The following PRKD1 variants were observed in gnomAD, a reference collection of about 807,000 sequenced individuals.
PRKD1 encodes serine/threonine-protein kinase D1.
PRKD1 carries 63 observed loss-of-function variants against 95.9 expected under a neutral mutation model. That is an observed-to-expected ratio of 0.66 (90% CI 0.54 to 0.81). The LOEUF (loss-of-function observed/expected upper bound fraction) is 0.81. PRKD1 is among the 30% of genes least tolerant of loss of function. The probability of loss-of-function intolerance (pLI) is 0.00; values close to 1 mark genes in which losing one functional copy is unlikely to be tolerated. For missense variants in PRKD1, 1,048 were observed against 1,165.3 expected (o/e 0.90, Z 1.47); for synonymous variants, 425 against 423.1 (o/e 1.00, Z -0.05).
chr14:29,746,907 T>C (rs554711903), intron 1 of PRKD1, among the ~76,000 whole-genome samples: 1 of 152,356 alleles, frequency 6.6e-6, no homozygotes, highest in South Asian at 2.1e-4. Context: ...TAATATATTT[T>C]ATTAATTTGT....
intron 1 of PRKD1, among the ~76,000 whole-genome samples, chr14:29,896,395 G>A (rs986143123): frequency 6.7e-6 from 1 of 150,046 alleles, no homozygotes; most frequent in Non-Finnish European, 1.5e-5. Context: ...CACCCATCAA[G>A]ACTATTAGCT....
intron 10 of PRKD1, among the ~76,000 whole-genome samples, chr14:29,629,410 T>C (rs886655116): frequency 1.3e-5 from 2 of 152,186 alleles, no homozygotes; most frequent in Non-Finnish European, 2.9e-5. Flanking sequence ...GAGACACTGA[T>C]TTCTTAAGTT....
intron 1 of PRKD1, among the ~76,000 whole-genome samples, chr14:29,838,696 T>C (rs916808590): frequency 1.3e-5 from 2 of 152,126 alleles, no homozygotes; most frequent in Non-Finnish European, 2.9e-5. Flanking sequence ...TATAAGAGGA[T>C]ATATATATAA....
chr14:29,816,517 A>G (rs1386572385), intron 1 of PRKD1, among the ~76,000 whole-genome samples: 1 of 152,256 alleles, frequency 6.6e-6, no homozygotes, highest in Non-Finnish European at 1.5e-5. Context: ...TAACATTTAA[A>G]TAAACTGGAG....
chr14:29,784,671 G>A (rs1321720449), intron 1 of PRKD1, among the ~76,000 whole-genome samples: 1 of 152,080 alleles, frequency 6.6e-6, no homozygotes, highest in African/African-American at 2.4e-5. Flanking sequence ...TAAGCTTAAG[G>A]ATACAAAAGT....
At chr14:29,880,120 A>G (rs1299263026) in intron 1 of PRKD1, among the ~76,000 whole-genome samples, 6 of 152,178 alleles carry the variant, frequency 3.9e-5, no homozygotes, top group African/African-American at 1.4e-4. Context: ...GTTAATCCCC[A>G]AGACCATGGG....
intron 16 of PRKD1, among the ~76,000 whole-genome samples, chr14:29,588,025 T>C (rs1266998016): frequency 1.3e-5 from 2 of 152,162 alleles, no homozygotes; most frequent in African/African-American, 4.8e-5. Context: ...TCTGACAGTG[T>C]GTTAATATGT....
intron 10 of PRKD1, among the ~76,000 whole-genome samples, 176 bp from the exon 11 acceptor site, chr14:29,629,269 T>C (rs991526152): frequency 5.3e-5 from 8 of 152,254 alleles, no homozygotes; most frequent in African/African-American, 1.4e-4. Context: ...AAATTACATA[T>C]TCAACATACT....
At chr14:29,749,349 C>T (rs1887373317) in intron 1 of PRKD1, among the ~76,000 whole-genome samples, 2 of 152,110 alleles carry the variant, frequency 1.3e-5, no homozygotes, top group African/African-American at 4.8e-5. Context: ...CAGGCAAGAA[C>T]CCCAGGATAG....
At chr14:29,873,571 T>C (rs972955484) in intron 1 of PRKD1, among the ~76,000 whole-genome samples, 1 of 152,196 alleles carries the variant, frequency 6.6e-6, no homozygotes, top group Non-Finnish European at 1.5e-5. Context: ...ATATTCAACA[T>C]GCATTTGTGA....
At chr14:29,765,400 A>G (rs962937558) in intron 1 of PRKD1, among the ~76,000 whole-genome samples, 1 of 152,210 alleles carries the variant, frequency 6.6e-6, no homozygotes, top group Non-Finnish European at 1.5e-5. Context: ...CATGCTGTTG[A>G]GAACTGAAAA....
intron 1 of PRKD1, among the ~76,000 whole-genome samples, chr14:29,875,531 A>G (rs1398579110): frequency 6.6e-6 from 1 of 152,200 alleles, no homozygotes; most frequent in East Asian, 1.9e-4. Context: ...TGTTTGTGCT[A>G]TGCATTTTAA....
At chr14:29,887,646 C>T (rs933531467) in intron 1 of PRKD1, among the ~76,000 whole-genome samples, 5 of 152,136 alleles carry the variant, frequency 3.3e-5, no homozygotes, top group Non-Finnish European at 5.9e-5. Context: ...TTGTGTCAAC[C>T]GCAAACCACA....
At chr14:29,791,983 C>T (rs1318973886) in intron 1 of PRKD1, among the ~76,000 whole-genome samples, 1 of 152,078 alleles carries the variant, frequency 6.6e-6, no homozygotes, top group Non-Finnish European at 1.5e-5. Context: ...CCAGTTCCTT[C>T]AGATACTCAC....
At chr14:29,779,132 G>A (rs946578941) in intron 1 of PRKD1, among the ~76,000 whole-genome samples, 4 of 152,196 alleles carry the variant, frequency 2.6e-5, no homozygotes, top group South Asian at 2.1e-4. Context: ...TTGATGAGAC[G>A]TATCTCAAAA....
At chr14:29,590,728 C>T (rs781206604) in intron 16 of PRKD1, among the ~76,000 whole-genome samples, 52 of 152,114 alleles carry the variant, frequency 3.4e-4, no homozygotes, top group Non-Finnish European at 7.4e-4. Context: ...TATCTTCAAA[C>T]CTATACCCAA....
chr14:29,729,070 C>T (rs1156777321), intron 1 of PRKD1, among the ~76,000 whole-genome samples: 1 of 152,100 alleles, frequency 6.6e-6, no homozygotes, highest in African/African-American at 2.4e-5. Context: ...ATAGACCATG[C>T]TTTTGCTAAT....
intron 2 of PRKD1, among the ~76,000 whole-genome samples, chr14:29,718,809 G>C (rs1049506456): frequency 6.6e-6 from 1 of 152,086 alleles, no homozygotes; most frequent in Admixed American, 6.6e-5. Flanking sequence ...GGGCTGAGAA[G>C]GTGTTGCCCA....
At chr14:29,637,596 C>T (rs1271321409) in intron 6 of PRKD1, among the ~76,000 whole-genome samples, 1 of 152,162 alleles carries the variant, frequency 6.6e-6, no homozygotes, top group Non-Finnish European at 1.5e-5. Flanking sequence ...AAAGTCAACA[C>T]CACATGCCAC....
Sources: gnomAD v4.1 joint callset for allele counts (sites outside exome capture counted in the v4.1 genomes callset) on GRCh38, gnomAD v4.1.1 for gene constraint, MANE v1.5 for transcripts, NCBI Gene and HGNC (gene_info 2026-07-23, HGNC 2026-07-21) for gene names.